SORD: variants seen among roughly 807,000 people sequenced by gnomAD.
SORD encodes sorbitol dehydrogenase, also known as (R,R)-butanediol dehydrogenase.
SORD carries 18 observed loss-of-function variants against 35.6 expected under a neutral mutation model. The ratio of observed to expected loss-of-function variants is 0.51; its 90% CI spans 0.35 to 0.75. SORD has a LOEUF of 0.75. SORD is among the 30% of genes least tolerant of loss of function. SORD has a pLI of 0.01. For missense variants in SORD, 250 were observed against 390.2 expected, an observed-to-expected ratio of 0.64 and a Z score of 3.03; for synonymous variants, 106 against 152.9, an observed-to-expected ratio of 0.69 and a Z score of 2.26.
intron 4 of SORD, among the ~76,000 whole-genome samples, chr15:45,064,995 C>T (rs906601944): frequency 3.3e-5 from 5 of 152,192 alleles, no homozygotes; most frequent in Admixed American, 1.3e-4. Flanking sequence ...ACCCTTTGGG[C>T]CCCTCACTAG....
chr15:45,028,539 A>G (rs1892717538), intron 1 of SORD, among the ~76,000 whole-genome samples: 1 of 152,232 alleles, frequency 6.6e-6, no homozygotes, highest in South Asian at 2.1e-4. Flanking sequence ...AACACCATGG[A>G]GGGGATGTAG....
chr15:45,042,479 G>A (rs1261030937), intron 2 of SORD: 1 of 151,066 alleles, frequency 6.6e-6, no homozygotes, highest in Non-Finnish European at 1.5e-5. Context: ...GCGACAGAGG[G>A]AGACTCTGTC....
At chr15:45,060,897 G>T (rs1595505937) in intron 3 of SORD, 170 bp from the exon 4 acceptor site, 7 of 1,422,104 alleles carry the variant, frequency 4.9e-6, no homozygotes, top group Non-Finnish European at 5.6e-6. Context: ...GAGGAGGGTG[G>T]CTCGTTAAGC....
At chr15:45,030,252 A>G (rs1205080351) in intron 1 of SORD, among the ~76,000 whole-genome samples, 1 of 152,264 alleles carries the variant, frequency 6.6e-6, no homozygotes. Flanking sequence ...CAATATCACA[A>G]ATAGGATTTT....
intron 1 of SORD, among the ~76,000 whole-genome samples, chr15:45,029,393 G>A (rs74011317): frequency 0.21 from 30,957 of 150,312 alleles, no homozygotes; most frequent in African/African-American, 0.44. Context: ...TGGGCCTACC[G>A]TGCTCAACCC....
chr15:45,029,641 G>C (rs1892738871), intron 1 of SORD, among the ~76,000 whole-genome samples: 1 of 152,292 alleles, frequency 6.6e-6, no homozygotes, highest in African/African-American at 2.4e-5. Context: ...CACTGGTGAG[G>C]GGCAAAGGGC....
chr15:45,042,355 G>A (rs918492769), intron 2 of SORD: 1 of 152,148 alleles, frequency 6.6e-6, no homozygotes, highest in Non-Finnish European at 1.5e-5. Context: ...AGCCGGGCGT[G>A]GTGGCGCATA....
chr15:45,039,164 T>C (rs1892923677), intron 1 of SORD, among the ~76,000 whole-genome samples: 1 of 151,868 alleles, frequency 6.6e-6, no homozygotes, highest in Non-Finnish European at 1.5e-5. Context: ...AATCTTACCC[T>C]GTCACGCAGG....
At chr15:45,036,421 G>A (rs1259641722) in intron 1 of SORD, 1 of 451,936 alleles carries the variant, frequency 2.2e-6, no homozygotes, top group East Asian at 7.0e-5. Flanking sequence ...GCCAGGCACA[G>A]TGGCTCACGC....
intron 3 of SORD, among the ~76,000 whole-genome samples, chr15:45,044,069 T>C (rs1459504332): frequency 6.6e-6 from 1 of 152,256 alleles, no homozygotes; most frequent in Non-Finnish European, 1.5e-5. Flanking sequence ...CCTGTGTTAG[T>C]TATAAAGGTC....
At chr15:45,029,377 G>C (rs879675268) in intron 1 of SORD, among the ~76,000 whole-genome samples, 30,874 of 150,264 alleles carry the variant, frequency 0.21, no homozygotes, top group African/African-American at 0.44. Flanking sequence ...CAGACCTGTG[G>C]AGTACTGGGC....
At chr15:45,059,822 A>G (rs914956653) in intron 3 of SORD, among the ~76,000 whole-genome samples, 12 of 152,220 alleles carry the variant, frequency 7.9e-5, no homozygotes, top group African/African-American at 2.9e-4. Context: ...AACAACATAG[A>G]TCAATCTGAA....
intron 3 of SORD, among the ~76,000 whole-genome samples, chr15:45,047,717 G>A (rs1243836825): frequency 6.6e-6 from 1 of 152,170 alleles, no homozygotes; most frequent in Admixed American, 6.5e-5. Flanking sequence ...AAGGCCTGTG[G>A]GTCCTTTCCT....
chr15:45,064,734 T>C (rs1412308108), intron 4 of SORD, among the ~76,000 whole-genome samples: 2 of 152,196 alleles, frequency 1.3e-5, no homozygotes, highest in African/African-American at 4.8e-5. Flanking sequence ...TTTGCTAAAG[T>C]GAAACTAAAA....
At chr15:45,031,729 T>A (rs1161536011) in intron 1 of SORD, among the ~76,000 whole-genome samples, 1 of 150,916 alleles carries the variant, frequency 6.6e-6, no homozygotes, top group African/African-American at 2.4e-5. Flanking sequence ...AGTGCTGGGA[T>A]CACCGGTGTG....
chr15:45,050,372 C>T (rs145260263), intron 3 of SORD: 5,051 of 152,396 alleles, frequency 0.033, 119 homozygotes, highest in Middle Eastern at 0.084. Flanking sequence ...TGAGCCACCG[C>T]GCCTGGCCCT....
At chr15:45,044,780 C>A (rs1472804149) in intron 3 of SORD, among the ~76,000 whole-genome samples, 1 of 151,684 alleles carries the variant, frequency 6.6e-6, no homozygotes, top group East Asian at 1.9e-4. Flanking sequence ...CTTGCTGCAA[C>A]CTCCACCTCC....
intron 1 of SORD, among the ~76,000 whole-genome samples, chr15:45,034,441 G>A (rs1361085525): frequency 6.6e-6 from 1 of 152,216 alleles, no homozygotes; most frequent in Admixed American, 6.5e-5. Flanking sequence ...GGTGGAAGTA[G>A]AGGAAAAGGG....
chr15:45,072,350 G>C lies in SORD; in HGVS notation c.820G>C (p.Gly274Arg). 1.6e-6 allele frequency: 1 copy of C among 639,144 alleles called. No individual in the cohort carries two copies. Among genetic ancestry groups the C allele is most frequent in the East Asian group, 2.9e-5 (1 of 34,070 alleles). The allele number at this position is 639,144 out of a possible 1,614,324, so 39.6% of individuals were successfully genotyped here. A position where few individuals can be genotyped will look rare whatever the true frequency, so the allele number is the denominator to read the frequency against. Residue 274 changes from glycine to arginine, a missense_variant, in exon 8 of 9, where the codon GGG becomes CGG. Gly to Arg is a moderately radical substitution (Grantham distance 125). Around this residue, in one of 8 missense-constraint regions of SORD, gnomAD observed 44 missense variants for 54.5 expected, o/e 0.81. Transcript: ENST00000267814. ...CTCTGGTGGGAACCTCGTGCTTGTG[G>C]GGCTGGGCTCTGAGATGACCACCGT... ...TRSGGNLVLVGLGSEMTTVPL... is the reference protein window; with the variant it reads ...TRSGGNLVLVRLGSEMTTVPL...
Sources: gnomAD v4.1 joint callset for allele counts (sites outside exome capture counted in the v4.1 genomes callset) on GRCh38, gnomAD v4.1.1 for gene constraint, gnomAD v4.1.1 regional missense constraint, MANE v1.5 for transcripts, NCBI Gene and HGNC (gene_info 2026-07-23, HGNC 2026-07-21) for gene names.